Variants in CCNH observed in about 807,000 individuals in gnomAD.
The protein encoded by CCNH is cyclin-H.
In CCNH, 31 loss-of-function variants were observed where a neutral mutation model predicts 41.9. The observed-to-expected ratio is 0.74, with a 90% CI of 0.56 to 1.00. CCNH has a LOEUF of 1.00. Ranked by LOEUF, CCNH falls within the 50% of genes least tolerant of loss-of-function variation. The pLI is 0.00. For synonymous variants in CCNH, 138 were observed against 136.1 expected, an observed-to-expected ratio of 1.01 and a Z score of -0.10; for missense variants, 362 against 388.4, an observed-to-expected ratio of 0.93 and a Z score of 0.57.
At chr5:87,371,281 A>T (rs1269416235), downstream of CCNH, among the ~76,000 whole-genome samples, 1 of 151,934 alleles carries the variant, frequency 6.6e-6, no homozygotes, top group Non-Finnish European at 1.5e-5. Flanking sequence ...ATTCTCTTCT[A>T]TTTCAAAAAG....
intron 9 of CCNH, among the ~76,000 whole-genome samples, chr5:87,361,036 ACACC>A (rs1760050896): frequency 6.6e-6 from 1 of 152,172 alleles, no homozygotes; most frequent in South Asian, 2.1e-4. Flanking sequence ...ACATACACAC[ACACC>A]CAGAGTGATG....
intron 9 of CCNH, among the ~76,000 whole-genome samples, chr5:87,356,621 C>T (rs548930311): frequency 6.6e-6 from 1 of 152,112 alleles, no homozygotes; most frequent in African/African-American, 2.4e-5. Flanking sequence ...AAGGCAGAAG[C>T]CTTGGTCTCC....
At position 87,409,328 on chromosome 5, in the gene CCNH, A is replaced by G; in HGVS notation, c.276T>C (p.Leu92=). The G allele has an allele frequency of 1.9e-6, 3 of 1,574,778 alleles. No individual in the cohort carries two copies. The Middle Eastern group carries it at 5.0e-4, about 264-fold the overall frequency. Residue 92 remains leucine, a synonymous_variant, in exon 3 of 9, where the codon CTT becomes CTC. Transcript: ENST00000256897. ...TACMYFKRFY[L]NNSVMEYHPR... ...GGTGATATTCCATTACTGAGTTATT[A>G]AGATAAAAACGTTTGAAATACATAC...
At chr5:87,360,371 G>A (rs1029042659) in intron 9 of CCNH, among the ~76,000 whole-genome samples, 5 of 152,208 alleles carry the variant, frequency 3.3e-5, no homozygotes, top group African/African-American at 7.2e-5. Context: ...TGATGTGCCC[G>A]CCTCGGCCTC....
downstream of CCNH, among the ~76,000 whole-genome samples, chr5:87,317,171 C>G (rs970264948): frequency 6.6e-6 from 1 of 152,198 alleles, no homozygotes; most frequent in African/African-American, 2.4e-5. Flanking sequence ...GTGTGAGCCA[C>G]TGCGCCTGGC....
At chr5:87,340,898 C>T (rs1391696761) in intron 9 of CCNH, among the ~76,000 whole-genome samples, 8 of 151,852 alleles carry the variant, frequency 5.3e-5, no homozygotes, top group African/African-American at 1.4e-4. Context: ...GAAATGTAGA[C>T]TTGAGTCCTG....
intron 4 of CCNH, among the ~76,000 whole-genome samples, chr5:87,407,112 C>T (rs1763851410): frequency 6.6e-6 from 1 of 152,114 alleles, no homozygotes; most frequent in Non-Finnish European, 1.5e-5. Flanking sequence ...AGCTTTTTAC[C>T]AGGGAAGTCT....
At chr5:87,355,907 C>T (rs1759614101) in intron 9 of CCNH, among the ~76,000 whole-genome samples, 3 of 152,130 alleles carry the variant, frequency 2.0e-5, no homozygotes, top group African/African-American at 7.2e-5. Context: ...AGATGTGGTA[C>T]AAGTAGCAGG....
At chr5:87,314,121 C>T (rs1449116250), downstream of CCNH, among the ~76,000 whole-genome samples, 1 of 152,080 alleles carries the variant, frequency 6.6e-6, no homozygotes, top group Non-Finnish European at 1.5e-5. Context: ...TGCGGTGAGT[C>T]AAGATCATGC....
intron 9 of CCNH, among the ~76,000 whole-genome samples, chr5:87,345,832 TC>T (rs890034810): frequency 1.3e-5 from 2 of 152,046 alleles, no homozygotes; most frequent in African/African-American, 4.8e-5. Flanking sequence ...CCTAAGAAGA[TC>T]CCACAAAGTA....
chr5:87,312,577 C>G, the CCNH span, among the ~76,000 whole-genome samples: 1 of 152,092 alleles, frequency 6.6e-6, no homozygotes, highest in Admixed American at 6.5e-5. Flanking sequence ...GGCCTAGAGA[C>G]CTTTTCGCTG....
intron 9 of CCNH, among the ~76,000 whole-genome samples, chr5:87,366,133 G>A (rs1049229976): frequency 1.6e-4 from 24 of 152,086 alleles, no homozygotes; most frequent in East Asian, 1.2e-3. Flanking sequence ...AGTAAACTTC[G>A]TCAAATTATA....
At chr5:87,342,611 A>T (rs1030595357) in intron 9 of CCNH, among the ~76,000 whole-genome samples, 15 of 152,204 alleles carry the variant, frequency 9.9e-5, no homozygotes, top group African/African-American at 3.4e-4. Context: ...AGGTACATGG[A>T]ACTGTGTCCC....
chr5:87,333,245 T>C (rs1187507781), intron 9 of CCNH: 4 of 754,088 alleles, frequency 5.3e-6, no homozygotes, highest in Middle Eastern at 3.5e-4. Context: ...TTTTTAAATC[T>C]TTTTTTTTTT....
intron 9 of CCNH, among the ~76,000 whole-genome samples, chr5:87,321,512 CT>C (rs1465480074): frequency 6.6e-6 from 1 of 152,178 alleles, no homozygotes; most frequent in East Asian, 1.9e-4. Flanking sequence ...ACAACCCCCT[CT>C]TTGGGTTGGA....
chr5:87,362,482 C>A lies in CCNH; in HGVS notation c.*90+30288G>T, dbSNP rs114734934. On this transcript the variant is annotated intron_variant and NMD_transcript_variant, in intron 9 of 9. Transcript: ENST00000645953. ...TAAGCGCTTTGGCTTTTAATTGGTACTTTTATAGATTTTTACTTCATTTCC... is the reference window on the plus strand; with the variant it reads ...TAAGCGCTTTGGCTTTTAATTGGTAATTTTATAGATTTTTACTTCATTTCC... 4.4e-3 allele frequency: 6,576 copies of A among 1,489,670 alleles called. 93 individuals are homozygous for A. The highest frequency in any genetic ancestry group is 0.043 in the African/African-American group (3,104 of 71,606). The allele number at this position is 1,489,670 out of a possible 1,614,324, so 92.3% of individuals were successfully genotyped here.
chr5:87,332,466 G>T (rs776898751), intron 9 of CCNH: 1 of 1,558,958 alleles, frequency 6.4e-7, no homozygotes, highest in East Asian at 2.3e-5. Context: ...AAAATTGGCT[G>T]TAAAGATTTT....
upstream of CCNH, chr5:87,379,890 C>G (rs754406588): frequency 4.4e-6 from 7 of 1,584,736 alleles, no homozygotes; most frequent in Non-Finnish European, 5.2e-6. Flanking sequence ...AATTGTGTAT[C>G]TATGTCTTCA....
intron 9 of CCNH, among the ~76,000 whole-genome samples, chr5:87,321,459 C>T (rs1756798608): frequency 1.3e-5 from 2 of 152,214 alleles, no homozygotes; most frequent in Admixed American, 1.3e-4. Flanking sequence ...TGTAAGTCTG[C>T]ATCTCTGGAA....
Sources: gnomAD v4.1 joint callset for allele counts (sites outside exome capture counted in the v4.1 genomes callset) on GRCh38, gnomAD v4.1.1 for gene constraint, MANE v1.5 for transcripts, NCBI Gene and HGNC (gene_info 2026-07-23, HGNC 2026-07-21) for gene names.